DACH1: variants seen among roughly 807,000 people sequenced by gnomAD.
The protein encoded by DACH1 is dachshund family transcription factor 1.
DACH1 carries 12 observed loss-of-function variants against 54.2 expected under a neutral mutation model. The ratio of observed to expected loss-of-function variants is 0.22; its 90% CI spans 0.14 to 0.36. DACH1 has a LOEUF of 0.36. Among genes scored for constraint, DACH1 ranks in the 10% least tolerant of loss-of-function variants. The probability of loss-of-function intolerance (pLI) is 1.00; values close to 1 mark genes in which losing one functional copy is unlikely to be tolerated. For missense variants in DACH1, 805 were observed against 929.8 expected, an observed-to-expected ratio of 0.87 and a Z score of 1.75; for synonymous variants, 386 against 366.2, an observed-to-expected ratio of 1.05 and a Z score of -0.62.
At chr13:71,786,597 C>T (rs1886600668) in intron 1 of DACH1, among the ~76,000 whole-genome samples, 1 of 152,022 alleles carries the variant, frequency 6.6e-6, no homozygotes, top group East Asian at 1.9e-4. Flanking sequence ...AATATTAACT[C>T]CAGAAATAGC....
At chr13:71,681,384 A>G (rs570892358) in intron 2 of DACH1, among the ~76,000 whole-genome samples, 2 of 152,206 alleles carry the variant, frequency 1.3e-5, no homozygotes, top group Non-Finnish European at 2.9e-5. Flanking sequence ...TTTTGTTTGG[A>G]TGCATGTCTA....
chr13:71,670,625 G>A (rs942072430), intron 2 of DACH1, among the ~76,000 whole-genome samples: 1 of 151,954 alleles, frequency 6.6e-6, no homozygotes, highest in Non-Finnish European at 1.5e-5. Flanking sequence ...GACAAACTAA[G>A]ACTTCCTATA....
At chr13:71,847,210 T>C (rs960117119) in intron 1 of DACH1, among the ~76,000 whole-genome samples, 1 of 152,188 alleles carries the variant, frequency 6.6e-6, no homozygotes, top group African/African-American at 2.4e-5. Flanking sequence ...TAGTGTTACA[T>C]ATATTTTCAT....
chr13:71,686,429 A>C (rs942587104), intron 1 of DACH1, among the ~76,000 whole-genome samples: 3 of 152,158 alleles, frequency 2.0e-5, no homozygotes, highest in Non-Finnish European at 4.4e-5. Flanking sequence ...TTAGTTTATA[A>C]CACTAAATCA....
chr13:71,672,009 T>C (rs1880234642), intron 2 of DACH1, among the ~76,000 whole-genome samples: 1 of 152,132 alleles, frequency 6.6e-6, no homozygotes, highest in South Asian at 2.1e-4. Flanking sequence ...CATTTCCAAA[T>C]TGCTATCAGC....
intron 7 of DACH1, among the ~76,000 whole-genome samples, chr13:71,486,323 C>T (rs1878499808): frequency 6.6e-6 from 1 of 151,944 alleles, no homozygotes; most frequent in Non-Finnish European, 1.5e-5. Flanking sequence ...GCATAGAAAG[C>T]ACAGAACCCT....
chr13:71,840,883 C>T (rs1261268538), intron 1 of DACH1, among the ~76,000 whole-genome samples: 3 of 152,106 alleles, frequency 2.0e-5, no homozygotes, highest in African/African-American at 4.8e-5. Flanking sequence ...TATCACTTTT[C>T]TTTCCGTCTT....
chr13:71,512,497 T>C (rs1431806301), intron 6 of DACH1, among the ~76,000 whole-genome samples: 2 of 151,878 alleles, frequency 1.3e-5, no homozygotes, highest in Non-Finnish European at 1.5e-5. Flanking sequence ...ATGTCAACTC[T>C]GAAGACTGAG....
chr13:71,824,382 G>C (rs1306300730), intron 1 of DACH1, among the ~76,000 whole-genome samples: 2 of 151,924 alleles, frequency 1.3e-5, no homozygotes, highest in African/African-American at 4.8e-5. Flanking sequence ...AAGAGATGGA[G>C]AGGAACTTTC....
chr13:71,795,658 GCAAA>G (rs1013360140), intron 1 of DACH1, among the ~76,000 whole-genome samples: 3 of 152,208 alleles, frequency 2.0e-5, no homozygotes, highest in African/African-American at 7.2e-5. Context: ...CTGAGAAAAA[GCAAA>G]CAAACAAAAA....
intron 3 of DACH1, among the ~76,000 whole-genome samples, chr13:71,605,316 A>G (rs1471295284): frequency 6.6e-6 from 1 of 151,964 alleles, no homozygotes; most frequent in South Asian, 2.1e-4. Context: ...CTTGAACGAT[A>G]CAACTAATGT....
At chr13:71,719,238 C>T (rs2138798250) in intron 1 of DACH1, among the ~76,000 whole-genome samples, 1 of 152,310 alleles carries the variant, frequency 6.6e-6, no homozygotes, top group Admixed American at 6.5e-5. Context: ...GGTGCTATTT[C>T]TTAAGTACAA....
At chr13:71,670,167 A>T (rs1360834558) in intron 2 of DACH1, among the ~76,000 whole-genome samples, 1 of 152,186 alleles carries the variant, frequency 6.6e-6, no homozygotes, top group Non-Finnish European at 1.5e-5. Flanking sequence ...CGTGAACATG[A>T]TAAAAAGCTC....
chr13:71,559,483 T>A (rs1463885782), intron 5 of DACH1, among the ~76,000 whole-genome samples: 1 of 152,208 alleles, frequency 6.6e-6, no homozygotes, highest in Non-Finnish European at 1.5e-5. Context: ...TGATGTTGAA[T>A]AATCCATAAA....
At chr13:71,544,838 C>A (rs898602167) in intron 6 of DACH1, among the ~76,000 whole-genome samples, 1 of 151,986 alleles carries the variant, frequency 6.6e-6, no homozygotes, top group Non-Finnish European at 1.5e-5. Context: ...TCTCTGCCTT[C>A]CTCTCTGATC....
chr13:71,731,263 T>C (rs1041051644), intron 1 of DACH1, among the ~76,000 whole-genome samples: 1 of 151,844 alleles, frequency 6.6e-6, no homozygotes, highest in African/African-American at 2.4e-5. Context: ...GCCACTTAAC[T>C]TCTCTTTTCC....
intron 6 of DACH1, among the ~76,000 whole-genome samples, chr13:71,533,553 A>T (rs1882556097): frequency 6.6e-6 from 1 of 151,976 alleles, no homozygotes; most frequent in Non-Finnish European, 1.5e-5. Context: ...ATTCAAAATA[A>T]TCTCATCAAA....
At chr13:71,448,778 A>G (rs916658882) in intron 10 of DACH1, among the ~76,000 whole-genome samples, 4 of 151,856 alleles carry the variant, frequency 2.6e-5, no homozygotes, top group African/African-American at 7.2e-5. Flanking sequence ...CTGTGTTTAA[A>G]TATAATTAAA....
At chr13:71,538,506 C>T (rs935163831) in intron 6 of DACH1, among the ~76,000 whole-genome samples, 13 of 152,126 alleles carry the variant, frequency 8.5e-5, no homozygotes, top group African/African-American at 3.1e-4. Context: ...AAGGAATATG[C>T]AGAACACAGG....
Sources: allele counts gnomAD v4.1 joint callset (sites outside exome capture counted in the v4.1 genomes callset), GRCh38; gene constraint gnomAD v4.1.1; transcripts MANE v1.5; gene names NCBI Gene and HGNC (gene_info 2026-07-23, HGNC 2026-07-21).